KAT7: variants seen among roughly 807,000 people sequenced by gnomAD.
KAT7 encodes the protein lysine acetyltransferase 7.
In KAT7, 10 loss-of-function variants were observed where a neutral mutation model predicts 82.1. That is an observed-to-expected ratio of 0.12 (90% CI 0.08 to 0.21). KAT7 has a LOEUF of 0.21. KAT7 is among the 10% of genes least tolerant of loss of function. KAT7 has a pLI of 1.00. For synonymous variants in KAT7, 250 were observed against 262.5 expected, an observed-to-expected ratio of 0.95 and a Z score of 0.46; for missense variants, 378 against 760.9, an observed-to-expected ratio of 0.50 and a Z score of 5.92.
At chr17:49,811,679 C>A in intron 7 of KAT7, 105 bp downstream of exon 7, 1 of 487,644 alleles carries the variant, frequency 2.1e-6, no homozygotes, top group South Asian at 5.7e-5. Context: ...TAGTATTCTC[C>A]ACATGTGAAT....
intron 4 of KAT7, among the ~76,000 whole-genome samples, chr17:49,799,685 CAG>C (rs1441393567): frequency 2.6e-5 from 4 of 152,082 alleles, no homozygotes; most frequent in Admixed American, 6.5e-5. Flanking sequence ...TATAGAGAGA[CAG>C]GGGTCTCACT....
intron 1 of KAT7, 192 bp downstream of exon 1, chr17:49,789,041 A>G (rs150973346): frequency 6.7e-6 from 3 of 447,568 alleles, no homozygotes; most frequent in South Asian, 6.2e-5. Flanking sequence ...TATGCTTGCA[A>G]CTATTCCCGC....
chr17:49,813,337 G>A (rs111657702), intron 7 of KAT7, among the ~76,000 whole-genome samples: 5,461 of 152,046 alleles, frequency 0.036, 332 homozygotes, highest in African/African-American at 0.12. Flanking sequence ...CATCCATGTC[G>A]CTGCAAAGGA....
intron 9 of KAT7, among the ~76,000 whole-genome samples, chr17:49,818,361 A>G (rs986624780): frequency 2.0e-5 from 3 of 152,222 alleles, no homozygotes; most frequent in Admixed American, 6.5e-5. Flanking sequence ...TACAGACTTC[A>G]TTAGGCACAG....
rs972371979 is a variant in KAT7 at position 49,825,598 on chromosome 17, A to G, written c.1481-402A>G. On this transcript the variant is annotated intron_variant, in intron 12 of 14. Coordinates refer to ENST00000259021, the MANE Select transcript of KAT7 (RefSeq NM_007067.5). Reference sequence around the variant, plus strand: ...GACAGACAACCTTCACATAACTTTTATTACAGTATATTGTTATAATTGTTC... The same window carrying G: ...GACAGACAACCTTCACATAACTTTTGTTACAGTATATTGTTATAATTGTTC... Among the ~76,000 whole-genome samples, 9 of 150,702 alleles carry G rather than the reference A, an allele frequency of 6.0e-5. No homozygotes were observed. In the South Asian group the frequency reaches 6.3e-4, roughly 11 times the overall value.
At chr17:49,807,570 G>A (rs1238108782) in intron 5 of KAT7, among the ~76,000 whole-genome samples, 1 of 152,148 alleles carries the variant, frequency 6.6e-6, no homozygotes, top group Non-Finnish European at 1.5e-5. Flanking sequence ...AGAAGCATTT[G>A]GGGGGCTTTA....
At chr17:49,791,354 A>G (rs2073886235) in intron 1 of KAT7, among the ~76,000 whole-genome samples, 1 of 152,158 alleles carries the variant, frequency 6.6e-6, no homozygotes, top group Non-Finnish European at 1.5e-5. Flanking sequence ...GTACTAATAC[A>G]GTAAGAATTA....
intron 7 of KAT7, among the ~76,000 whole-genome samples, chr17:49,812,329 A>G (rs995590100): frequency 4.7e-5 from 7 of 149,588 alleles, no homozygotes; most frequent in Non-Finnish European, 1.0e-4. Context: ...GGCTCAAGTA[A>G]TTCTCCCGCC....
intron 4 of KAT7, among the ~76,000 whole-genome samples, chr17:49,803,645 C>T (rs992669445): frequency 9.9e-5 from 15 of 151,812 alleles, no homozygotes; most frequent in South Asian, 6.3e-4. Context: ...AGAATGGTCT[C>T]GATCTCCTGA....
chr17:49,821,916 AT>A, intron 11 of KAT7, 126 bp downstream of exon 11: 5 of 792,488 alleles, frequency 6.3e-6, no homozygotes, highest in African/African-American at 5.3e-5. Context: ...CCTTCCTTAA[AT>A]TAAAAAAAAA....
chr17:49,802,151 T>C (rs560924993), intron 4 of KAT7, among the ~76,000 whole-genome samples: 1 of 152,342 alleles, frequency 6.6e-6, no homozygotes, highest in East Asian at 1.9e-4. Flanking sequence ...TTAAATTGTC[T>C]CATTGACATT....
chr17:49,822,555 T>TAGTATAACAACTTTATTGA (rs1219224592), intron 11 of KAT7, among the ~76,000 whole-genome samples: 3 of 152,216 alleles, frequency 2.0e-5, no homozygotes, highest in African/African-American at 7.2e-5. Flanking sequence ...TTATGACTTT[T>TAGTATAACAACTTTATTGA]AGTATAACAA....
At chr17:49,825,960 C>A in intron 12 of KAT7, 40 bp from the exon 13 acceptor site, 1 of 1,584,874 alleles carries the variant, frequency 6.3e-7, no homozygotes, top group Admixed American at 1.7e-5. Flanking sequence ...AGGATAAGAT[C>A]GAGTGTTGCT....
At chr17:49,795,355 G>T (rs1776587082) in intron 2 of KAT7, 1 of 196,186 alleles carries the variant, frequency 5.1e-6, no homozygotes, top group South Asian at 1.2e-4. Context: ...GGTGTTGTTG[G>T]AGAGTGAGCA....
chr17:49,813,852 C>G (rs2074200564), intron 7 of KAT7, among the ~76,000 whole-genome samples: 1 of 151,230 alleles, frequency 6.6e-6, no homozygotes, highest in African/African-American at 2.4e-5. Flanking sequence ...CCAGGGATAT[C>G]AAGAGATGAC....
rs966402307 is a variant in KAT7 at position 49,832,047 on chromosome 17, C to T, written c.*4545C>T. On this transcript the variant is annotated 3_prime_UTR_variant, in exon 15 of 15. Coordinates refer to ENST00000259021, the MANE Select transcript of KAT7 (RefSeq NM_007067.5). ...CTAGGCTCATTGCAACCTCTGCCTCCCAGGTTCAAGCGATTTTCCTGCCTC... is the reference window on the plus strand; with the variant it reads ...CTAGGCTCATTGCAACCTCTGCCTCTCAGGTTCAAGCGATTTTCCTGCCTC... The T allele has an allele frequency of 3.3e-5, 5 of 151,660 alleles. No homozygotes were observed. Among genetic ancestry groups the T allele is most frequent in the African/African-American group, 1.2e-4 (5 of 41,172 alleles). 9.4% of individuals were successfully genotyped at this position (151,660 alleles called of 1,614,324 possible). A position where few individuals can be genotyped will look rare whatever the true frequency, so the allele number is the denominator to read the frequency against.
chr17:49,817,213 T>C (rs2074245254), intron 8 of KAT7, among the ~76,000 whole-genome samples: 1 of 152,186 alleles, frequency 6.6e-6, no homozygotes, highest in South Asian at 2.1e-4. Flanking sequence ...TGATTTTCTT[T>C]ATAATTCAGT....
At chr17:49,805,683 G>T (rs995858871) in intron 5 of KAT7, among the ~76,000 whole-genome samples, 1 of 152,186 alleles carries the variant, frequency 6.6e-6, no homozygotes, top group Non-Finnish European at 1.5e-5. Flanking sequence ...ATTATGAAAC[G>T]TTTGGAACAT....
chr17:49,806,162 T>G (rs999591995), intron 5 of KAT7, among the ~76,000 whole-genome samples: 2 of 152,328 alleles, frequency 1.3e-5, no homozygotes, highest in East Asian at 1.9e-4. Context: ...GACCAAAGTA[T>G]TATTGTTGTT....
Sources: allele counts gnomAD v4.1 joint callset (sites outside exome capture counted in the v4.1 genomes callset), GRCh38; gene constraint gnomAD v4.1.1; transcripts MANE v1.5; gene names NCBI Gene and HGNC (gene_info 2026-07-23, HGNC 2026-07-21).